The following PDE4D variants were observed in gnomAD, a reference collection of about 807,000 sequenced individuals.
PDE4D encodes the protein phosphodiesterase 4D.
In PDE4D, 24 loss-of-function variants were observed where a neutral mutation model predicts 87.4. The observed-to-expected ratio is 0.27, with a 90% CI of 0.20 to 0.39. PDE4D has a LOEUF of 0.39. Among genes scored for constraint, PDE4D ranks in the 10% least tolerant of loss-of-function variants. PDE4D has a pLI of 1.00. For synonymous variants in PDE4D, 384 were observed against 383.2 expected, an observed-to-expected ratio of 1.00 and a Z score of -0.02; for missense variants, 714 against 1,041.0, an observed-to-expected ratio of 0.69 and a Z score of 4.32.
chr5:60,407,406 C>T (rs1421562274), intron 1 of PDE4D, among the ~76,000 whole-genome samples: 1 of 126,288 alleles, frequency 7.9e-6, no homozygotes, highest in Non-Finnish European at 1.7e-5. Flanking sequence ...CTGCTTGCTT[C>T]TTTCATCCTT....
At chr5:60,296,397 T>C (rs1458181143) in intron 1 of PDE4D, among the ~76,000 whole-genome samples, 1 of 152,080 alleles carries the variant, frequency 6.6e-6, no homozygotes, top group Non-Finnish European at 1.5e-5. Flanking sequence ...TTAGAGAAAA[T>C]GTCTTGAGGT....
At chr5:60,312,505 A>G (rs964919811) in intron 1 of PDE4D, among the ~76,000 whole-genome samples, 31 of 152,354 alleles carry the variant, frequency 2.0e-4, no homozygotes, top group Middle Eastern at 3.4e-3. Context: ...ACTTACAATC[A>G]TGGCAGAAAG....
intron 1 of PDE4D, among the ~76,000 whole-genome samples, chr5:59,234,908 T>A (rs369493380): frequency 3.3e-5 from 5 of 151,604 alleles, no homozygotes; most frequent in Non-Finnish European, 7.4e-5. Context: ...AGTTTTTTTT[T>A]AAATAAGCAG....
At chr5:59,899,900 C>T (rs1752053940) in intron 3 of PDE4D, among the ~76,000 whole-genome samples, 1 of 152,148 alleles carries the variant, frequency 6.6e-6, no homozygotes, top group Non-Finnish European at 1.5e-5. Flanking sequence ...GGATTTCTGA[C>T]TTGCATTCAT....
chr5:60,240,410 T>G (rs1436164259), intron 1 of PDE4D, among the ~76,000 whole-genome samples: 1 of 152,122 alleles, frequency 6.6e-6, no homozygotes, highest in Non-Finnish European at 1.5e-5. Context: ...GGCTTGACTC[T>G]TGAATGGCAT....
chr5:59,926,049 G>A (rs2152783023), intron 3 of PDE4D, among the ~76,000 whole-genome samples: 1 of 152,158 alleles, frequency 6.6e-6, no homozygotes, highest in South Asian at 2.1e-4. Flanking sequence ...TTTCATCAAT[G>A]GCTGCAGAAT....
intron 1 of PDE4D, among the ~76,000 whole-genome samples, chr5:60,263,812 G>A (rs1749895902): frequency 6.6e-6 from 1 of 151,890 alleles, no homozygotes; most frequent in Non-Finnish European, 1.5e-5. Flanking sequence ...AAGGCACCCT[G>A]GAAAGAAAAG....
At chr5:59,307,612 G>T (rs1771663496) in intron 1 of PDE4D, among the ~76,000 whole-genome samples, 1 of 151,642 alleles carries the variant, frequency 6.6e-6, no homozygotes, top group South Asian at 2.1e-4. Context: ...ATGAAAAAAT[G>T]CTCACCATCA....
intron 3 of PDE4D, among the ~76,000 whole-genome samples, chr5:59,930,888 A>G (rs908043809): frequency 6.6e-6 from 1 of 152,240 alleles, no homozygotes; most frequent in Non-Finnish European, 1.5e-5. Flanking sequence ...GTATGAGTAA[A>G]CAAACTTTCA....
At chr5:60,234,831 TGATG>T (rs1339202989) in intron 1 of PDE4D, among the ~76,000 whole-genome samples, 1 of 151,908 alleles carries the variant, frequency 6.6e-6, no homozygotes, top group Admixed American at 6.6e-5. Flanking sequence ...TGTTGGCATA[TGATG>T]GATGAAGTTT....
intron 1 of PDE4D, among the ~76,000 whole-genome samples, chr5:60,406,933 T>A (rs1741586978): frequency 6.6e-6 from 1 of 152,106 alleles, no homozygotes; most frequent in African/African-American, 2.4e-5. Context: ...AAAAGTACTA[T>A]AAATTCAACA....
intron 5 of PDE4D, among the ~76,000 whole-genome samples, chr5:59,065,091 C>A (rs200894461): frequency 1.4e-5 from 2 of 142,446 alleles, no homozygotes; most frequent in Non-Finnish European, 3.0e-5. Context: ...CACACACACA[C>A]ACACACACAC....
intron 1 of PDE4D, among the ~76,000 whole-genome samples, chr5:60,519,255 T>G (rs1750933847): frequency 6.6e-6 from 1 of 152,212 alleles, no homozygotes; most frequent in South Asian, 2.1e-4. Flanking sequence ...TAAAAAGAAC[T>G]CAGTTTCTAC....
intron 2 of PDE4D, among the ~76,000 whole-genome samples, chr5:60,131,877 G>T (rs1779617249): frequency 6.6e-6 from 1 of 152,152 alleles, no homozygotes; most frequent in Admixed American, 6.6e-5. Flanking sequence ...TCTGAAACTG[G>T]AGCCTTGTTA....
At chr5:59,878,456 T>C (rs948920253) in intron 1 of PDE4D, among the ~76,000 whole-genome samples, 4 of 152,062 alleles carry the variant, frequency 2.6e-5, no homozygotes, top group South Asian at 2.1e-4. Flanking sequence ...CAAATACTTA[T>C]GGATTTTTAT....
chr5:59,630,918 G>T (rs79283246), intron 1 of PDE4D, among the ~76,000 whole-genome samples: 8 of 151,946 alleles, frequency 5.3e-5, no homozygotes, highest in Non-Finnish European at 8.8e-5. Flanking sequence ...CCTGACGCTC[G>T]GTTTTTTTTC....
intron 1 of PDE4D, among the ~76,000 whole-genome samples, chr5:60,465,799 T>C (rs919070262): frequency 1.3e-5 from 2 of 151,884 alleles, no homozygotes; most frequent in Non-Finnish European, 2.9e-5. Context: ...TAGCCTACAG[T>C]TGGGCAAAAT....
chr5:59,736,471 GA>G (rs1446378026), intron 1 of PDE4D, among the ~76,000 whole-genome samples: 19 of 152,040 alleles, frequency 1.2e-4, no homozygotes, highest in East Asian at 1.9e-4. Flanking sequence ...CTGAGGTCAG[GA>G]GTTTGAGACC....
At chr5:59,852,933 A>T (rs887622677) in intron 1 of PDE4D, among the ~76,000 whole-genome samples, 4 of 152,062 alleles carry the variant, frequency 2.6e-5, no homozygotes, top group Non-Finnish European at 5.9e-5. Flanking sequence ...GTCTCTGATT[A>T]AAAAAGTGAT....
Sources: allele counts gnomAD v4.1 joint callset (sites outside exome capture counted in the v4.1 genomes callset), GRCh38; gene constraint gnomAD v4.1.1; transcripts MANE v1.5; gene names NCBI Gene and HGNC (gene_info 2026-07-23, HGNC 2026-07-21).